Variants in IQUB observed in about 807,000 individuals in gnomAD.
The protein encoded by IQUB is IQ motif and ubiquitin-like domain-containing protein.
A neutral mutation model predicts 86.4 loss-of-function variants in IQUB; 86 were observed. The observed-to-expected ratio is 1.00, with a 90% CI of 0.84 to 1.19. The LOEUF (loss-of-function observed/expected upper bound fraction) is 1.19, where lower values mean the gene tolerates loss of function less well. Among genes scored for constraint, IQUB ranks in the 50% most tolerant of loss-of-function variants. The probability of loss-of-function intolerance (pLI) is 0.00; values close to 1 mark genes in which losing one functional copy is unlikely to be tolerated. For synonymous variants in IQUB, 289 were observed against 304.5 expected (o/e 0.95, Z 0.53); for missense variants, 946 against 916.9 (o/e 1.03, Z -0.41).
chr7:123,532,203 TTTA>T (rs2117406867), intron 1 of IQUB, among the ~76,000 whole-genome samples: 1 of 152,312 alleles, frequency 6.6e-6, no homozygotes, highest in Non-Finnish European at 1.5e-5. Flanking sequence ...GAGTCCTACT[TTTA>T]TTGTCATTGC....
chr7:123,460,211 T>A (rs559300632), intron 11 of IQUB, among the ~76,000 whole-genome samples: 17 of 152,016 alleles, frequency 1.1e-4, no homozygotes, highest in African/African-American at 4.1e-4. Flanking sequence ...ATGGAAATAA[T>A]GCCTATTTTG....
chr7:123,479,079 T>C (rs911592052), intron 8 of IQUB, among the ~76,000 whole-genome samples: 3 of 152,064 alleles, frequency 2.0e-5, no homozygotes, highest in Admixed American at 6.6e-5. Flanking sequence ...AGAACAAATG[T>C]CCTCAAATAA....
In IQUB at chr7:123,487,748, TAG is replaced by T. The variant is rs776904747; in HGVS notation, c.1235-7780_1235-7779del. Among the ~76,000 whole-genome samples, 7 of 152,206 alleles carry T rather than the reference TAG, an allele frequency of 4.6e-5. No individual in the cohort carries two copies. The East Asian group carries it at 1.2e-3, about 25-fold the overall frequency. ...AACTTACAAACTTGCCGAACTTCAG[TAG>T]AATATTAGCTAACAAGGCACTTTTG... On this transcript the variant is annotated intron_variant, in intron 7 of 12. Transcript: ENST00000324698.
chr7:123,472,293 G>T (rs911730221), intron 8 of IQUB, among the ~76,000 whole-genome samples: 3 of 151,600 alleles, frequency 2.0e-5, no homozygotes, highest in Admixed American at 1.3e-4. Flanking sequence ...GAAAGAGAAA[G>T]AAATTTCTCA....
chr7:123,500,720 G>C (rs981681123), intron 6 of IQUB, among the ~76,000 whole-genome samples: 1 of 151,710 alleles, frequency 6.6e-6, no homozygotes, highest in Admixed American at 6.6e-5. Context: ...GACTCTATGG[G>C]GCAAATCTAT....
rs1157792286 is a variant in IQUB, at chr7:123,457,381, C to T, written c.2193G>A (p.Glu731=). 1 of 1,606,934 alleles carries T rather than the reference C, an allele frequency of 6.2e-7. No homozygotes were observed. Among genetic ancestry groups the T allele is most frequent in the Non-Finnish European group, 8.5e-7 (1 of 1,177,194 alleles). The change falls in exon 12 of 13, where the codon GAG becomes GAA. Residue 731 remains glutamate (E), a splice_region_variant and synonymous_variant. Coordinates refer to ENST00000324698, the MANE Select transcript of IQUB (RefSeq NM_178827.5). ...CCCAAATAAAATTCAACTTTCTTAC[C>T]TCTTCAATACTTGTTAGCTTGAGAT... ...AAHLKLTSIE[E]GYERSFIHKI... is the part of the protein sequence containing the mutation.
At chr7:123,515,059 A>T (rs1245398294) in intron 1 of IQUB, among the ~76,000 whole-genome samples, 2 of 152,124 alleles carry the variant, frequency 1.3e-5, no homozygotes, top group African/African-American at 4.8e-5. Flanking sequence ...CTCAATTTTA[A>T]AAAAAATCAA....
chr7:123,470,330 G>A (rs543533528), intron 8 of IQUB, among the ~76,000 whole-genome samples: 1 of 152,258 alleles, frequency 6.6e-6, no homozygotes, highest in South Asian at 2.1e-4. Flanking sequence ...TAATTTTTCA[G>A]AAACAAGACT....
intron 7 of IQUB, among the ~76,000 whole-genome samples, chr7:123,481,482 C>T (rs1584582564): frequency 6.6e-6 from 1 of 151,922 alleles, no homozygotes; most frequent in African/African-American, 2.4e-5. Context: ...ATGAGAGAGA[C>T]CTGAATCAGT....
At chr7:123,497,295 C>G in intron 6 of IQUB, among the ~76,000 whole-genome samples, 1 of 152,114 alleles carries the variant, frequency 6.6e-6, no homozygotes, top group Non-Finnish European at 1.5e-5. Context: ...AAGTGCTTAA[C>G]CCAAGCCTGG....
intron 3 of IQUB, among the ~76,000 whole-genome samples, chr7:123,508,013 A>C (rs1796260810): frequency 6.6e-6 from 1 of 152,168 alleles, no homozygotes; most frequent in African/African-American, 2.4e-5. Flanking sequence ...TTTGATTGAG[A>C]ATTTTGAGTT....
chr7:123,510,151 T>A (rs2117250520), intron 2 of IQUB, 116 bp from the exon 3 acceptor site: 1 of 656,922 alleles, frequency 1.5e-6, no homozygotes, highest in Non-Finnish European at 2.5e-6. Context: ...AGAATACAAG[T>A]TGTTCTTGCT....
intron 1 of IQUB, among the ~76,000 whole-genome samples, chr7:123,523,937 C>G (rs1369102160): frequency 3.3e-5 from 5 of 152,086 alleles, no homozygotes; most frequent in Non-Finnish European, 5.9e-5. Flanking sequence ...GCCAGTTTTC[C>G]CAGCACCATT....
At chr7:123,472,549 G>A (rs973347861) in intron 8 of IQUB, among the ~76,000 whole-genome samples, 2 of 152,106 alleles carry the variant, frequency 1.3e-5, no homozygotes, top group African/African-American at 2.4e-5. Flanking sequence ...CACTTAACTG[G>A]TAAAAAGAAA....
At chr7:123,523,397 A>T (rs2117335569) in intron 1 of IQUB, among the ~76,000 whole-genome samples, 1 of 151,018 alleles carries the variant, frequency 6.6e-6, no homozygotes, top group South Asian at 2.1e-4. Context: ...TTGCCATTCT[A>T]ACTGGTGTGA....
chr7:123,460,039 C>G lies in IQUB; in HGVS notation c.2007+1318G>C, dbSNP rs1469265196. Reference sequence around the variant, plus strand: ...ACATCCATAGGGGTAAAGATAAACACTATTTTGGAAACTTTTATTTCTGAG... The same window carrying G: ...ACATCCATAGGGGTAAAGATAAACAGTATTTTGGAAACTTTTATTTCTGAG... On this transcript the variant is annotated intron_variant, in intron 11 of 12. Transcript: ENST00000324698. Among the ~76,000 whole-genome samples, 5 of 151,814 alleles carry G rather than the reference C, an allele frequency of 3.3e-5. No individual in the cohort carries two copies. In the East Asian group the frequency reaches 9.7e-4, roughly 29 times the overall value.
chr7:123,510,835 C>A (rs909012891), intron 2 of IQUB, among the ~76,000 whole-genome samples: 8 of 151,820 alleles, frequency 5.3e-5, no homozygotes, highest in African/African-American at 1.9e-4. Context: ...TCTCAGATGG[C>A]AAATATAAGA....
At chr7:123,471,768 A>T (rs1184019309) in intron 8 of IQUB, among the ~76,000 whole-genome samples, 1 of 152,134 alleles carries the variant, frequency 6.6e-6, no homozygotes, top group Non-Finnish European at 1.5e-5. Flanking sequence ...GATTCCTCTA[A>T]CTACTATAGT....
chr7:123,465,006 G>C lies in IQUB; in HGVS notation c.1585C>G (p.His529Asp), dbSNP rs772166225. Residue 529 changes from histidine (H) to aspartate (D), a missense_variant, in exon 10 of 13, where the codon CAT (histidine) becomes GAT (aspartate). Transcript: ENST00000324698. ...LLTLKHTVKE[H>D]ECKLTQEILE... Reference sequence around the variant, plus strand: ...ATTTCCTGAGTTAGTTTACATTCATGTTCCTATATAAAACACAAAAATATA... The same window carrying C: ...ATTTCCTGAGTTAGTTTACATTCATCTTCCTATATAAAACACAAAAATATA... The C allele has an allele frequency of 1.3e-6, 2 of 1,561,944 alleles. No homozygotes were observed. Among genetic ancestry groups the C allele is most frequent in the Non-Finnish European group, 1.7e-6 (2 of 1,153,254 alleles).
Sources: gnomAD v4.1 joint callset for allele counts (sites outside exome capture counted in the v4.1 genomes callset) on GRCh38, gnomAD v4.1.1 for gene constraint, MANE v1.5 for transcripts, NCBI Gene and HGNC (gene_info 2026-07-23, HGNC 2026-07-21) for gene names.